RYR2: variants seen among roughly 807,000 people sequenced by gnomAD.
RYR2 encodes cardiac muscle ryanodine receptor-calcium release channel.
Under a neutral mutation model 601.1 loss-of-function variants are expected in RYR2, and 227 were observed. The ratio of observed to expected loss-of-function variants is 0.38; its 90% CI spans 0.34 to 0.42. The LOEUF (loss-of-function observed/expected upper bound fraction) is 0.42. RYR2 is among the 10% of genes least tolerant of loss of function. The pLI, the probability that RYR2 is intolerant of heterozygous loss-of-function variation, is 1.00. For missense variants in RYR2, 4,646 were observed against 6,156.5 expected (o/e 0.75, Z 8.21); for synonymous variants, 2,223 against 2,175.1 (o/e 1.02, Z -0.61).
chr1:237,376,817 G>T (rs976866898), intron 7 of RYR2, among the ~76,000 whole-genome samples: 1 of 152,108 alleles, frequency 6.6e-6, no homozygotes, highest in African/African-American at 2.4e-5. Flanking sequence ...GTAGAAAGGG[G>T]ACAGGATAGT....
intron 23 of RYR2, among the ~76,000 whole-genome samples, chr1:237,508,029 T>A (rs750353454): frequency 3.3e-5 from 5 of 152,182 alleles, no homozygotes; most frequent in African/African-American, 4.8e-5. Context: ...AGTGGTGTGA[T>A]CTTGGCTCAC....
chr1:237,306,757 T>C (rs543790763), intron 2 of RYR2, among the ~76,000 whole-genome samples: 3 of 152,272 alleles, frequency 2.0e-5, no homozygotes, highest in South Asian at 2.1e-4. Flanking sequence ...AGAAATAATT[T>C]TACGTCGTCT....
At chr1:237,755,939 A>G (rs1419820437) in intron 80 of RYR2, among the ~76,000 whole-genome samples, 1 of 152,216 alleles carries the variant, frequency 6.6e-6, no homozygotes, top group East Asian at 1.9e-4. Flanking sequence ...TCAAAACGTG[A>G]CAAACTTATG....
intron 88 of RYR2, among the ~76,000 whole-genome samples, chr1:237,779,625 C>T (rs1694939304): frequency 6.6e-6 from 1 of 152,176 alleles, no homozygotes; most frequent in Non-Finnish European, 1.5e-5. Context: ...ATCCCTCAGG[C>T]CTGCAAATGA....
At chr1:237,074,837 A>C (rs1664804879) in intron 1 of RYR2, among the ~76,000 whole-genome samples, 1 of 152,206 alleles carries the variant, frequency 6.6e-6, no homozygotes, top group Non-Finnish European at 1.5e-5. Flanking sequence ...ATTAAACGGT[A>C]GAGGGGCCAT....
At chr1:237,677,902 GT>G (rs1191823080) in intron 60 of RYR2, 145 bp from the exon 61 acceptor site, 5 of 604,160 alleles carry the variant, frequency 8.3e-6, no homozygotes, top group African/African-American at 1.9e-5. Flanking sequence ...CACTGCCAAA[GT>G]TTGCCTTTAT....
rs1416246145 is a variant in RYR2 at position 237,795,278 on chromosome 1, G to T, written c.13914-11G>T. On this transcript the variant is annotated splice_polypyrimidine_tract_variant and intron_variant, in intron 95 of 104. Transcript: ENST00000366574. Reference sequence around the variant, plus strand: ...TAATACTATTTACTTCTATGCTTTTGTATATTTTAGGTCATTTCCCAACAA... The same window carrying T: ...TAATACTATTTACTTCTATGCTTTTTTATATTTTAGGTCATTTCCCAACAA... The T allele has an allele frequency of 6.2e-6, 8 of 1,288,762 alleles. No individual in the cohort carries two copies. In the East Asian group the frequency reaches 1.5e-4, roughly 25 times the overall value. 79.8% of individuals were successfully genotyped at this position (1,288,762 alleles called of 1,614,324 possible).
chr1:237,511,632 A>T, intron 23 of RYR2, 56 bp from the exon 24 acceptor site: 2 of 1,333,884 alleles, frequency 1.5e-6, no homozygotes, highest in Admixed American at 2.0e-5. Context: ...GTTGAATTCC[A>T]TTGCTAGTGC....
intron 7 of RYR2, among the ~76,000 whole-genome samples, chr1:237,376,350 T>G (rs996142212): frequency 6.6e-6 from 1 of 152,142 alleles, no homozygotes; most frequent in African/African-American, 2.4e-5. Context: ...CAAAATGAAT[T>G]TGTGGTGAGG....
chr1:237,114,133 T>C (rs888662268), intron 1 of RYR2, among the ~76,000 whole-genome samples: 3 of 152,122 alleles, frequency 2.0e-5, no homozygotes, highest in Non-Finnish European at 2.9e-5. Flanking sequence ...TCAAACCATA[T>C]GGAAGTGATT....
chr1:237,047,412 C>T (rs951245245), intron 1 of RYR2, among the ~76,000 whole-genome samples: 1 of 141,146 alleles, frequency 7.1e-6, no homozygotes, highest in East Asian at 2.0e-4. Context: ...TTTTTGCCTC[C>T]CTATCCACTT....
At chr1:237,213,610 A>G (rs1017803537) in intron 1 of RYR2, among the ~76,000 whole-genome samples, 7 of 152,128 alleles carry the variant, frequency 4.6e-5, no homozygotes, top group African/African-American at 1.4e-4. Flanking sequence ...TCAATATATA[A>G]CAGCTGTTTA....
chr1:237,609,825 C>T (rs936294483), intron 35 of RYR2, among the ~76,000 whole-genome samples: 2 of 152,086 alleles, frequency 1.3e-5, no homozygotes, highest in African/African-American at 4.8e-5. Flanking sequence ...ATTTAATTTA[C>T]TTATTGATTT....
In RYR2 at chr1:237,832,777, G is replaced by C; in HGVS notation, c.*130G>C. 1 of 559,580 alleles carries C rather than the reference G, an allele frequency of 1.8e-6. No homozygotes were observed. The highest frequency in any genetic ancestry group is 3.1e-5 in the Admixed American group (1 of 32,520). The allele number at this position is 559,580 out of a possible 1,614,324, so 34.7% of individuals were successfully genotyped here. A position where few individuals can be genotyped will look rare whatever the true frequency, so the allele number is the denominator to read the frequency against. On this transcript the variant is annotated 3_prime_UTR_variant, in exon 105 of 105. Coordinates refer to ENST00000366574, the MANE Select transcript of RYR2 (RefSeq NM_001035.3). ...GCGTTGTGTGTTTTCTGGGAGCATC[G>C]AAGCTCTGTTTCGGAAGAGCTGTTT...
In RYR2 at chr1:237,373,693, C is replaced by T. The variant is rs571078056; in HGVS notation, c.385-1024C>T. Among the ~76,000 whole-genome samples the T allele has an allele frequency of 6.3e-4, 96 of 152,196 alleles. 1 individual carries two copies. Among genetic ancestry groups the T allele is most frequent in the Admixed American group, 2.8e-3 (43 of 15,280 alleles). On this transcript the variant is annotated intron_variant, in intron 6 of 104. Transcript: ENST00000366574. ...GTCCAAGAATATACAGTTAGGAACA[C>T]GTAAGGGTGGGAAGAATAAGGAGAT...
chr1:237,785,864 G>T, intron 90 of RYR2, 105 bp from the exon 91 acceptor site: 2 of 797,280 alleles, frequency 2.5e-6, no homozygotes, highest in East Asian at 5.3e-5. Context: ...AAGCAAGAGG[G>T]TATCTTATAT....
intron 1 of RYR2, among the ~76,000 whole-genome samples, chr1:237,248,704 C>T (rs1257066306): frequency 1.3e-5 from 2 of 150,036 alleles, no homozygotes; most frequent in Non-Finnish European, 3.0e-5. Flanking sequence ...TTTTAAAGAT[C>T]TAGTTTGGAT....
chr1:237,760,233 C>T (rs368678492), intron 83 of RYR2, among the ~76,000 whole-genome samples: 1 of 150,556 alleles, frequency 6.6e-6, no homozygotes, highest in Non-Finnish European at 1.5e-5. Context: ...CACACCTGTA[C>T]CATAGTCCTA....
At chr1:237,288,368 G>C (rs1001265604) in intron 2 of RYR2, among the ~76,000 whole-genome samples, 3 of 152,126 alleles carry the variant, frequency 2.0e-5, no homozygotes, top group Non-Finnish European at 4.4e-5. Context: ...CAGGGCCCTA[G>C]AGCTCCCAAG....
Sources: allele counts gnomAD v4.1 joint callset (sites outside exome capture counted in the v4.1 genomes callset), GRCh38; gene constraint gnomAD v4.1.1; transcripts MANE v1.5; gene names NCBI Gene and HGNC (gene_info 2026-07-23, HGNC 2026-07-21).